Variants in SVEP1 observed in about 807,000 individuals in gnomAD.
SVEP1 encodes sushi, von Willebrand factor type A, EGF and pentraxin domain containing 1, also known as sushi, von Willebrand factor type A, EGF and pentraxin domain-containing protein 1.
Under a neutral mutation model 367.3 loss-of-function variants are expected in SVEP1, and 164 were observed. That is an observed-to-expected ratio of 0.45 (90% CI 0.39 to 0.51). The LOEUF is 0.51. Ranked by LOEUF, SVEP1 falls within the 20% of genes least tolerant of loss-of-function variation. The probability of loss-of-function intolerance (pLI) is 0.00; values close to 1 mark genes in which losing one functional copy is unlikely to be tolerated. For synonymous variants in SVEP1, 1,666 were observed against 1,611.6 expected, an observed-to-expected ratio of 1.03 and a Z score of -0.81; for missense variants, 4,117 against 4,425.3, an observed-to-expected ratio of 0.93 and a Z score of 1.98.
At chr9:110,553,016 G>C (rs1331758179) in intron 1 of SVEP1, among the ~76,000 whole-genome samples, 2 of 152,166 alleles carry the variant, frequency 1.3e-5, no homozygotes, top group Non-Finnish European at 2.9e-5. Context: ...ATATCCATGG[G>C]AAGAGATCCT....
chr9:110,550,076 G>A lies in SVEP1; in HGVS notation c.560C>T (p.Ser187Leu). Residue 187 changes from serine (S) to leucine (L), a missense_variant, in exon 2 of 48, where the codon TCA becomes TTA. Ser to Leu is a moderately radical substitution (Grantham distance 145). Coordinates refer to ENST00000374469, the MANE Select transcript of SVEP1 (RefSeq NM_153366.4). ...AGTGATGAGAAATACAACTTTTGTTGAGTTTTCTCTAGCATGAAGAAGAAT... is the reference window on the plus strand; with the variant it reads ...AGTGATGAGAAATACAACTTTTGTTAAGTTTTCTCTAGCATGAAGAAGAAT... ...AQILLHAREN[S>L]TKVVFLITDG... 6.2e-7 allele frequency: 1 copy of A among 1,613,952 alleles called. No homozygotes were observed. The highest frequency in any genetic ancestry group is 8.5e-7 in the Non-Finnish European group (1 of 1,179,852).
intron 2 of SVEP1, 76 bp downstream of exon 2, chr9:110,549,773 C>T (rs1830259644): frequency 6.4e-7 from 1 of 1,551,354 alleles, no homozygotes; most frequent in Non-Finnish European, 8.7e-7. Context: ...TATTACCCTC[C>T]CATGGGTTTC....
intron 5 of SVEP1, among the ~76,000 whole-genome samples, chr9:110,504,918 G>A (rs1405003042): frequency 6.6e-6 from 1 of 152,116 alleles, no homozygotes; most frequent in Non-Finnish European, 1.5e-5. Flanking sequence ...ATGTTATCTA[G>A]GAGCACATTT....
In SVEP1 at chr9:110,412,033, A is replaced by C. The variant is rs148591315; in HGVS notation, c.5976-298T>G. ...TGATCAAATGACTTGCATTTGAGAT[A>C]TATCAATACATTGTGATATTAATAT... On this transcript the variant is annotated intron_variant, in intron 36 of 47. Coordinates refer to ENST00000374469, the MANE Select transcript of SVEP1 (RefSeq NM_153366.4). Among the ~76,000 whole-genome samples the C allele has an allele frequency of 4.4e-3, 665 of 152,328 alleles. 3 individuals carry two copies. Among genetic ancestry groups the C allele is most frequent in the African/African-American group, 0.015 (630 of 41,574 alleles).
intron 1 of SVEP1, among the ~76,000 whole-genome samples, chr9:110,574,119 G>A (rs907875750): frequency 2.0e-5 from 3 of 152,194 alleles, no homozygotes; most frequent in Admixed American, 6.5e-5. Flanking sequence ...TGTTTGGTCA[G>A]TCCCATCTGC....
At chr9:110,574,736 C>A (rs1023287864) in intron 1 of SVEP1, among the ~76,000 whole-genome samples, 2 of 146,462 alleles carry the variant, frequency 1.4e-5, no homozygotes, top group Non-Finnish European at 3.0e-5. Context: ...TGAGTCCAGT[C>A]GACCTTCTTT....
At chr9:110,440,405 C>A (rs1182422554) in intron 27 of SVEP1, among the ~76,000 whole-genome samples, 3 of 152,214 alleles carry the variant, frequency 2.0e-5, no homozygotes, top group Non-Finnish European at 2.9e-5. Flanking sequence ...CTTCAAGACA[C>A]AGGCTGGTTA....
intron 1 of SVEP1, among the ~76,000 whole-genome samples, chr9:110,578,252 C>A (rs73657607): frequency 6.6e-6 from 1 of 151,930 alleles, no homozygotes; most frequent in African/African-American, 2.4e-5. Flanking sequence ...ATATAACAAA[C>A]GAAAAATGTA....
chr9:110,398,887 A>G (rs1460341595), intron 40 of SVEP1, among the ~76,000 whole-genome samples: 5 of 152,228 alleles, frequency 3.3e-5, no homozygotes, highest in Non-Finnish European at 7.3e-5. Context: ...ACACTTTTAC[A>G]CTGTTGGTGA....
chr9:110,570,936 T>C (rs1321497969), intron 1 of SVEP1, among the ~76,000 whole-genome samples: 1 of 150,804 alleles, frequency 6.6e-6, no homozygotes, highest in African/African-American at 2.4e-5. Flanking sequence ...TGACGTCATC[T>C]CCCTGGTTAG....
intron 3 of SVEP1, among the ~76,000 whole-genome samples, chr9:110,545,334 A>G (rs1279297144): frequency 6.6e-6 from 1 of 152,150 alleles, no homozygotes; most frequent in African/African-American, 2.4e-5. Flanking sequence ...TTTTTTGAGG[A>G]ACCTCCATAC....
intron 6 of SVEP1, among the ~76,000 whole-genome samples, chr9:110,499,578 C>T (rs548216564): frequency 1.2e-4 from 18 of 152,254 alleles, no homozygotes; most frequent in Admixed American, 9.8e-4. Flanking sequence ...AGTCATAAAT[C>T]GAATTCCATA....
In SVEP1 at chr9:110,508,764, A is replaced by AAAC. The variant is rs1342706705; in HGVS notation, c.1303+4161_1303+4162insGTT. Among the ~76,000 whole-genome samples the AAAC allele has an allele frequency of 6.7e-5, 6 of 88,974 alleles. No individual in the cohort carries two copies. The South Asian group carries it at 9.7e-4, about 14-fold the overall frequency. The allele number at this position is 88,974 out of a possible 152,430, so 58.4% of individuals were successfully genotyped here. A position where few individuals can be genotyped will look rare whatever the true frequency, so the allele number is the denominator to read the frequency against. On this transcript the variant is annotated intron_variant, in intron 5 of 47. Transcript: ENST00000374469. ...TAACAGAGCGAGACTCCATCTCAAA[A>AAAC]AAAAAAAAAAAAAAAAAAAGAAAGA...
At chr9:110,375,490 A>AAAAT in intron 45 of SVEP1, 27 bp from the exon 46 acceptor site, 3 of 1,338,834 alleles carry the variant, frequency 2.2e-6, no homozygotes, top group East Asian at 2.7e-5. Flanking sequence ...AAAAAAAAAA[A>AAAAT]GGAGGCAGGG....
intron 22 of SVEP1, among the ~76,000 whole-genome samples, chr9:110,453,970 G>A (rs115599901): frequency 0.033 from 5,026 of 151,374 alleles, 79 homozygotes; most frequent in Middle Eastern, 0.058. Context: ...TAGCGATGAT[G>A]AGCTTTTTTT....
intron 3 of SVEP1, among the ~76,000 whole-genome samples, chr9:110,519,520 A>G (rs2118789422): frequency 6.6e-6 from 1 of 152,264 alleles, no homozygotes; most frequent in African/African-American, 2.4e-5. Flanking sequence ...CCCACAGAGT[A>G]CACTACCCAT....
intron 5 of SVEP1, among the ~76,000 whole-genome samples, chr9:110,512,562 G>T (rs75605786): frequency 0.017 from 2,627 of 152,212 alleles, 42 homozygotes; most frequent in Non-Finnish European, 0.026. Context: ...CAGGATACTT[G>T]TGTGATTCCT....
intron 40 of SVEP1, among the ~76,000 whole-genome samples, chr9:110,390,164 T>C (rs1827617165): frequency 1.0e-5 from 1 of 95,242 alleles, no homozygotes; most frequent in Non-Finnish European, 2.1e-5. Flanking sequence ...CATACATACT[T>C]ATATAAGTAT....
At chr9:110,451,505 A>T in intron 22 of SVEP1, 103 bp from the exon 23 acceptor site, 1 of 700,748 alleles carries the variant, frequency 1.4e-6, no homozygotes. Context: ...GGAAATTGGA[A>T]ATCATGGCTA....
Sources: gnomAD v4.1 joint callset for allele counts (sites outside exome capture counted in the v4.1 genomes callset) on GRCh38, gnomAD v4.1.1 for gene constraint, MANE v1.5 for transcripts, NCBI Gene and HGNC (gene_info 2026-07-23, HGNC 2026-07-21) for gene names.